The following IL23R variants were observed in gnomAD, a reference collection of about 807,000 sequenced individuals.
IL23R encodes interleukin-23 receptor.
IL23R carries 34 observed loss-of-function variants against 56.9 expected under a neutral mutation model. The ratio of observed to expected loss-of-function variants is 0.60; its 90% CI spans 0.45 to 0.80. The LOEUF (loss-of-function observed/expected upper bound fraction) is 0.80, where lower values mean the gene tolerates loss of function less well. Ranked by LOEUF, IL23R falls within the 30% of genes least tolerant of loss-of-function variation. The pLI is 0.00. For synonymous variants in IL23R, 230 were observed against 249.2 expected (o/e 0.92, Z 0.73); for missense variants, 635 against 730.0 (o/e 0.87, Z 1.50).
At chr1:67,254,004 C>A (rs1652802442) in intron 9 of IL23R, among the ~76,000 whole-genome samples, 1 of 152,002 alleles carries the variant, frequency 6.6e-6, no homozygotes, top group South Asian at 2.1e-4. Context: ...TATTCATTAT[C>A]TATAAAAGCC....
intron 1 of IL23R, among the ~76,000 whole-genome samples, chr1:67,146,599 G>T (rs186234585): frequency 6.6e-6 from 1 of 152,154 alleles, no homozygotes; most frequent in African/African-American, 2.4e-5. Flanking sequence ...TTTTATCCTG[G>T]CCCATTATCT....
At chr1:67,200,071 G>T (rs1260492714) in intron 4 of IL23R, among the ~76,000 whole-genome samples, 1 of 152,224 alleles carries the variant, frequency 6.6e-6, no homozygotes, top group Non-Finnish European at 1.5e-5. Context: ...ACGGAGTCTC[G>T]CTCTGTCGCC....
downstream of IL23R, among the ~76,000 whole-genome samples, chr1:67,262,127 G>T (rs957021202): frequency 1.3e-5 from 2 of 152,160 alleles, no homozygotes; most frequent in East Asian, 3.8e-4. Context: ...TATAATTCTT[G>T]TATTCAAGAA....
At chr1:67,176,301 G>A (rs931328564) in intron 3 of IL23R, among the ~76,000 whole-genome samples, 1 of 152,276 alleles carries the variant, frequency 6.6e-6, no homozygotes, top group Non-Finnish European at 1.5e-5. Context: ...AAGAAGAAGA[G>A]GAATGGATAT....
chr1:67,141,235 G>T (rs1646634740), intron 1 of IL23R, among the ~76,000 whole-genome samples: 2 of 152,174 alleles, frequency 1.3e-5, no homozygotes, highest in South Asian at 4.1e-4. Flanking sequence ...GTTATCTTAG[G>T]GTGGTAAAGT....
downstream of IL23R, among the ~76,000 whole-genome samples, chr1:67,261,830 G>A (rs969257749): frequency 1.3e-5 from 2 of 152,198 alleles, no homozygotes; most frequent in Non-Finnish European, 2.9e-5. Context: ...AGCATTGTTT[G>A]ATCTTCTGCA....
chr1:67,236,718 C>T lies in IL23R; in HGVS notation c.961C>T (p.Gln321Ter), dbSNP rs1233089279. Residue 321 changes from glutamine (Q) to a stop codon, truncating the protein, a stop_gained, in exon 8 of 11, where the codon CAG (glutamine) becomes TAG (stop). Coordinates refer to ENST00000347310, the MANE Select transcript of IL23R (RefSeq NM_144701.3). LOFTEE classifies it high-confidence loss of function. ...FFHKTPETVP[Q>*]VTSKAFQHDT... ...CTCTTTCCTTTTGGTTTAAGTTCCC[C>T]AGGTCACATCAAAAGCATTCCAACA... is the stretch of plus-strand genomic sequence containing the variant. The T allele has an allele frequency of 6.2e-7, 1 of 1,611,322 alleles. No individual in the cohort carries two copies. The highest frequency in any genetic ancestry group is 8.5e-7 in the Non-Finnish European group (1 of 1,177,576).
chr1:67,231,037 TA>T, intron 7 of IL23R, among the ~76,000 whole-genome samples: 2 of 151,178 alleles, frequency 1.3e-5, no homozygotes, highest in African/African-American at 4.9e-5. Context: ...TCCAATGATT[TA>T]AAAAAAAACA....
chr1:67,223,321 A>G (rs1650422464), intron 7 of IL23R, among the ~76,000 whole-genome samples: 1 of 152,202 alleles, frequency 6.6e-6, no homozygotes, highest in South Asian at 2.1e-4. Context: ...GGAAATAGGA[A>G]CACCACAGTT....
At chr1:67,221,100 C>A (rs1215917712) in intron 7 of IL23R, among the ~76,000 whole-genome samples, 2 of 151,936 alleles carry the variant, frequency 1.3e-5, no homozygotes, top group African/African-American at 4.8e-5. Flanking sequence ...GCAGTTGGAT[C>A]ACTTGAGCCC....
chr1:67,166,924 G>A (rs1646879945), intron 1 of IL23R, among the ~76,000 whole-genome samples: 1 of 152,066 alleles, frequency 6.6e-6, no homozygotes, highest in Non-Finnish European at 1.5e-5. Flanking sequence ...TATAGAAAAA[G>A]CTCAGGTTTT....
In IL23R at chr1:67,206,985, A is replaced by G; in HGVS notation, c.728A>G (p.Asp243Gly). The G allele has an allele frequency of 6.2e-7, 1 of 1,602,606 alleles. No individual in the cohort carries two copies. The highest frequency in any genetic ancestry group is 8.5e-7 in the Non-Finnish European group (1 of 1,175,152). Reference protein sequence around the residue: ...ATVPKTIIYWDSQTTIEKVSC... With the variant: ...ATVPKTIIYWGSQTTIEKVSC... The stretch of plus-strand genomic sequence containing the variant: ...GTGCCCAAGACCATAATTTATTGGG[A>G]TAGTCAAACAACAATTGAAAAGGTT... The change falls in exon 6 of 11, where the codon GAT (aspartate) becomes GGT (glycine). Residue 243 changes from aspartate (D) to glycine (G), a missense_variant. Transcript: ENST00000347310.
chr1:67,222,320 G>A (rs1209749394), intron 7 of IL23R, among the ~76,000 whole-genome samples: 1 of 151,634 alleles, frequency 6.6e-6, no homozygotes, highest in African/African-American at 2.4e-5. Flanking sequence ...TTTCACCATG[G>A]TGGGCAGGCT....
At chr1:67,242,503 G>T (rs777902381) in intron 9 of IL23R, among the ~76,000 whole-genome samples, 13 of 152,284 alleles carry the variant, frequency 8.5e-5, no homozygotes, top group Middle Eastern at 3.4e-3. Flanking sequence ...AGGATAAGCT[G>T]TTCACATTAA....
Position 67,251,179 on chromosome 1 carries a change from G to A in IL23R, c.1149-4658G>A, listed in dbSNP as rs528088520. ...AGGAAAGACATAAATGTGGCCAGGC[G>A]CAGTGGCTCATGCCTGTAATTCCAG... On this transcript the variant is annotated intron_variant, in intron 9 of 10. Transcript: ENST00000347310. 6.6e-5 allele frequency among the ~76,000 whole-genome samples: 10 copies of A among 152,236 alleles called. No homozygotes were observed. In the South Asian group the frequency reaches 1.9e-3, roughly 28 times the overall value.
intron 5 of IL23R, among the ~76,000 whole-genome samples, chr1:67,204,104 C>T (rs887185021): frequency 1.6e-4 from 24 of 152,126 alleles, no homozygotes; most frequent in Admixed American, 5.2e-4. Flanking sequence ...CGCTCTGTCG[C>T]CCAGGCTGGA....
downstream of IL23R, among the ~76,000 whole-genome samples, chr1:67,260,218 G>T (rs1003231546): frequency 1.3e-5 from 2 of 152,046 alleles, no homozygotes; most frequent in Non-Finnish European, 2.9e-5. Flanking sequence ...AAACAATAAT[G>T]TGTGGAATCA....
At chr1:67,217,158 C>A (rs1480219550) in intron 6 of IL23R, among the ~76,000 whole-genome samples, 1 of 152,152 alleles carries the variant, frequency 6.6e-6, no homozygotes, top group African/African-American at 2.4e-5. Flanking sequence ...AGAGAGATCT[C>A]AAACTGAAGA....
intron 5 of IL23R, among the ~76,000 whole-genome samples, chr1:67,204,213 G>A (rs1213136283): frequency 6.6e-6 from 1 of 152,158 alleles, no homozygotes; most frequent in African/African-American, 2.4e-5. Context: ...ACAGGCGCCA[G>A]CCACCTCGCC....
Sources: allele counts gnomAD v4.1 joint callset (sites outside exome capture counted in the v4.1 genomes callset), GRCh38; gene constraint gnomAD v4.1.1; transcripts MANE v1.5; gene names NCBI Gene and HGNC (gene_info 2026-07-23, HGNC 2026-07-21).